Variants in AXIN1 observed in about 807,000 individuals in gnomAD.
The protein encoded by AXIN1 is axin 1.
A neutral mutation model predicts 76.4 loss-of-function variants in AXIN1; 30 were observed. The ratio of observed to expected loss-of-function variants is 0.39; its 90% confidence interval spans 0.29 to 0.53. The LOEUF (loss-of-function observed/expected upper bound fraction) is 0.53, where lower values mean the gene tolerates loss of function less well. AXIN1 is among the 20% of genes least tolerant of loss of function. The pLI is 0.66. For synonymous variants in AXIN1, 545 were observed against 501.4 expected, an observed-to-expected ratio of 1.09 and a Z score of -1.16; for missense variants, 1,140 against 1,198.8, an observed-to-expected ratio of 0.95 and a Z score of 0.72.
intron 5 of AXIN1, chr16:299,033 T>G: frequency 1.0e-6 from 1 of 973,932 alleles, no homozygotes; most frequent in Non-Finnish European, 1.2e-6. Flanking sequence ...TCCCAAAGTG[T>G]TGGGATGACA....
chr16:294,989 G>A (rs112833344), intron 7 of AXIN1, among the ~76,000 whole-genome samples: 2 of 149,794 alleles, frequency 1.3e-5, no homozygotes, highest in African/African-American at 2.4e-5. Flanking sequence ...GCATGAACCC[G>A]GGAGGCGAGG....
chr16:328,121 G>A (rs2053619329), intron 2 of AXIN1, among the ~76,000 whole-genome samples: 2 of 152,230 alleles, frequency 1.3e-5, no homozygotes, highest in Admixed American at 6.5e-5. Context: ...GCTGGGCGGG[G>A]TAGCTCACAC....
intron 2 of AXIN1, among the ~76,000 whole-genome samples, chr16:335,284 C>T (rs1315771887): frequency 6.6e-6 from 1 of 152,160 alleles, no homozygotes; most frequent in Non-Finnish European, 1.5e-5. Context: ...AGTGCCTCTA[C>T]TTACGTCACC....
At chr16:309,414 C>T (rs1026677161) in intron 4 of AXIN1, among the ~76,000 whole-genome samples, 9 of 152,330 alleles carry the variant, frequency 5.9e-5, no homozygotes, top group African/African-American at 1.4e-4. Flanking sequence ...GCTCTGTAGA[C>T]GGAGTCAGGC....
In AXIN1 at chr16:297,777, C is replaced by T. The variant is rs377674194; in HGVS notation, c.1729G>A (p.Gly577Ser). 6.3e-7 allele frequency: 1 copy of T among 1,577,902 alleles called. No individual in the cohort carries two copies. Among genetic ancestry groups the T allele is most frequent in the African/African-American group, 1.3e-5 (1 of 74,142 alleles). The change falls in exon 6 of 11, where the codon GGC (glycine) becomes AGC (serine). Residue 577 changes from glycine to serine, a missense_variant. Physicochemically the swap from Gly to Ser is moderately conservative, Grantham distance 56. This residue lies in a region of AXIN1 where 429 missense variants were observed against 405.8 expected (regional missense o/e 1.06). Coordinates refer to ENST00000262320, the MANE Select transcript of AXIN1 (RefSeq NM_003502.4). ...GCAGCGCCAACACTCTCTGAGTAGC[C>T]TCGGGACCTTGCCCCATGGCTGTGT... Reference protein sequence around the residue: ...EPHSHGARSRGYSESVGAAPN... With the variant: ...EPHSHGARSRSYSESVGAAPN...
At chr16:290,850 GC>G (rs1219566418) in intron 9 of AXIN1, 3 of 423,374 alleles carry the variant, frequency 7.1e-6, no homozygotes, top group Non-Finnish European at 1.3e-5. Context: ...GCAGGGACCG[GC>G]CCGTTCCAAG....
intron 2 of AXIN1, among the ~76,000 whole-genome samples, chr16:344,732 G>C (rs887306469): frequency 6.6e-6 from 1 of 152,154 alleles, no homozygotes; most frequent in African/African-American, 2.4e-5. Context: ...CAGGTGATTC[G>C]CCCGCCTCGG....
At position 335,469 on chromosome 16, in the gene AXIN1, A is replaced by G. The variant is rs114183606; in HGVS notation, c.878+10679T>C. 6.2e-3 allele frequency among the ~76,000 whole-genome samples: 939 copies of G among 151,274 alleles called. 11 individuals are homozygous for G. The highest frequency in any genetic ancestry group is 0.021 in the African/African-American group (871 of 41,176). ...TACACAGCACCCAGTACCACAGCAC[A>G]CCAATAACATAGCACTCAGTACCAC... On this transcript the variant is annotated intron_variant, in intron 2 of 10. Coordinates refer to ENST00000262320, the MANE Select transcript of AXIN1 (RefSeq NM_003502.4).
chr16:287,962 G>A lies in AXIN1; in HGVS notation c.*160C>T. 16 of 1,223,470 alleles carry A rather than the reference G, an allele frequency of 1.3e-5. No homozygotes were observed. In the South Asian group the frequency reaches 2.0e-4, roughly 15 times the overall value. 75.8% of individuals were successfully genotyped at this position (1,223,470 alleles called of 1,614,324 possible). A position where few individuals can be genotyped will look rare whatever the true frequency, so the allele number is the denominator to read the frequency against. On this transcript the variant is annotated 3_prime_UTR_variant, in exon 11 of 11. Transcript: ENST00000262320. ...ACAGAAGCTTGTGGACCACTTGGAG[G>A]GACCCCCTACCTGCCTCTAGACACG...
intron 2 of AXIN1, among the ~76,000 whole-genome samples, chr16:324,780 A>G (rs1470664605): frequency 6.6e-6 from 1 of 152,154 alleles, no homozygotes; most frequent in Non-Finnish European, 1.5e-5. Context: ...GGAACAGCAC[A>G]GCCAGCAGAC....
intron 2 of AXIN1, among the ~76,000 whole-genome samples, chr16:320,439 TA>T (rs1454756730): frequency 2.0e-5 from 3 of 152,042 alleles, no homozygotes; most frequent in Non-Finnish European, 2.9e-5. Flanking sequence ...TAATGCAACA[TA>T]GGGGCGGATA....
intron 1 of AXIN1, among the ~76,000 whole-genome samples, chr16:350,087 A>G (rs1392481086): frequency 1.3e-5 from 2 of 152,178 alleles, no homozygotes; most frequent in African/African-American, 2.4e-5. Flanking sequence ...CCTGGCCCCA[A>G]AACTAATGTT....
intron 10 of AXIN1, among the ~76,000 whole-genome samples, chr16:289,113 G>A (rs2052478023): frequency 6.6e-6 from 1 of 151,302 alleles, no homozygotes; most frequent in African/African-American, 2.4e-5. Context: ...GGTAGAGACA[G>A]AGTCTCGCTC....
chr16:299,016 C>T (rs2052795465), intron 5 of AXIN1: 1 of 938,228 alleles, frequency 1.1e-6, no homozygotes, highest in African/African-American at 1.8e-5. Flanking sequence ...ATCCACCCAC[C>T]TCGGCCTCCC....
In AXIN1 at chr16:352,499, G is replaced by C. The variant is rs1207410357; in HGVS notation, c.-212C>G. The C allele has an allele frequency of 2.3e-6, 2 of 862,098 alleles. No individual in the cohort carries two copies. Among genetic ancestry groups the C allele is most frequent in the Non-Finnish European group, 2.8e-6 (2 of 720,510 alleles). 53.4% of individuals were successfully genotyped at this position (862,098 alleles called of 1,614,324 possible). On this transcript the variant is annotated 5_prime_UTR_variant, in exon 1 of 11. Coordinates refer to ENST00000262320, the MANE Select transcript of AXIN1 (RefSeq NM_003502.4). Reference sequence around the variant, plus strand: ...CGCGGCCCGGGGCGGCCCCCATCTCGGCGGCTGCGGCTCGGCGGCCCGGAG... The same window carrying C: ...CGCGGCCCGGGGCGGCCCCCATCTCCGCGGCTGCGGCTCGGCGGCCCGGAG...
chr16:350,451 G>A (rs1193553764), intron 1 of AXIN1, among the ~76,000 whole-genome samples: 2 of 152,206 alleles, frequency 1.3e-5, no homozygotes, highest in African/African-American at 4.8e-5. Flanking sequence ...GTATGATACT[G>A]TATTTAAAAT....
intron 8 of AXIN1, 53 bp from the exon 9 acceptor site, chr16:291,350 G>A (rs2052555940): frequency 6.8e-7 from 1 of 1,468,174 alleles, no homozygotes; most frequent in Non-Finnish European, 9.3e-7. Context: ...CCAGCCCTGG[G>A]GAGGGAGCCT....
intron 9 of AXIN1, 184 bp from the exon 10 acceptor site, chr16:289,791 A>G (rs2052502643): frequency 1.4e-6 from 1 of 738,514 alleles, no homozygotes; most frequent in East Asian, 2.7e-5. Context: ...GTCCGCTAGC[A>G]GTGGAGTCGG....
chr16:327,213 G>A (rs1487443798), intron 2 of AXIN1, among the ~76,000 whole-genome samples: 1 of 152,040 alleles, frequency 6.6e-6, no homozygotes, highest in Admixed American at 6.6e-5. Context: ...TGGGTGTTCT[G>A]CATGGCGGCA....
Sources: allele counts gnomAD v4.1 joint callset (sites outside exome capture counted in the v4.1 genomes callset), GRCh38; gene constraint gnomAD v4.1.1; regional missense constraint gnomAD v4.1.1; transcripts MANE v1.5; gene names NCBI Gene and HGNC (gene_info 2026-07-23, HGNC 2026-07-21).